The following PTN variants were observed in gnomAD, a reference collection of about 807,000 sequenced individuals.
The protein encoded by PTN is pleiotrophin, also known as heparin affin regulatory protein.
Under a neutral mutation model 24.1 loss-of-function variants are expected in PTN, and 18 were observed. That is an observed-to-expected ratio of 0.75 (90% confidence interval 0.52 to 1.11). PTN has a LOEUF of 1.11. PTN is among the 50% of genes least tolerant of loss of function. The pLI is 0.00. For missense variants in PTN, 163 were observed against 198.8 expected (o/e 0.82, Z 1.08); for synonymous variants, 78 against 68.6 (o/e 1.14, Z -0.67).
chr7:137,263,343 T>C (rs964042621), intron 1 of PTN, among the ~76,000 whole-genome samples: 2 of 152,222 alleles, frequency 1.3e-5, no homozygotes, highest in Non-Finnish European at 2.9e-5. Flanking sequence ...AACTATGTCT[T>C]TAACTACTTG....
intron 4 of PTN, among the ~76,000 whole-genome samples, chr7:137,236,774 T>C (rs1808529251): frequency 1.3e-5 from 2 of 152,178 alleles, no homozygotes; most frequent in African/African-American, 4.8e-5. Flanking sequence ...TATTATAAAC[T>C]ATTGTAAATT....
Position 137,307,401 on chromosome 7 carries a change from G to GA in PTN, c.-2+36037dup, listed in dbSNP as rs1451661235. On this transcript the variant is annotated intron_variant, in intron 1 of 4. Transcript: ENST00000348225. Reference sequence around the variant, plus strand: ...AATTCAATATATGTTTGCTATAATAGAAAAAATCACTACACAAATTTTTTA... The same window carrying GA: ...AATTCAATATATGTTTGCTATAATAGAAAAAAATCACTACACAAATTTTTTA... Among the ~76,000 whole-genome samples, 6 of 151,990 alleles carry GA rather than the reference G, an allele frequency of 3.9e-5. No individual in the cohort carries two copies. The South Asian group carries it at 6.2e-4, about 16-fold the overall frequency.
At chr7:137,244,212 G>A (rs77912591) in intron 4 of PTN, among the ~76,000 whole-genome samples, 2,206 of 152,134 alleles carry the variant, frequency 0.015, 28 homozygotes, top group Middle Eastern at 0.027. Flanking sequence ...CAATCTTTCA[G>A]TCAAGCAATG....
rs116817674 is a variant in PTN at position 137,318,005 on chromosome 7, G to A, written c.-2+25434C>T. Among the ~76,000 whole-genome samples the A allele has an allele frequency of 3.8e-3, 581 of 152,246 alleles. 3 individuals carry two copies. The highest frequency in any genetic ancestry group is 0.013 in the African/African-American group (531 of 41,540). Reference sequence around the variant, plus strand: ...ATCATGGCCAGGCACTGTGGTTGACGCCTACAATCTCAGCACTTTGGGAGG... The same window carrying A: ...ATCATGGCCAGGCACTGTGGTTGACACCTACAATCTCAGCACTTTGGGAGG... On this transcript the variant is annotated intron_variant, in intron 1 of 4. Coordinates refer to ENST00000348225, the MANE Select transcript of PTN (RefSeq NM_002825.7).
At chr7:137,246,722 A>G (rs1271808563) in intron 4 of PTN, among the ~76,000 whole-genome samples, 2 of 152,146 alleles carry the variant, frequency 1.3e-5, no homozygotes, top group African/African-American at 4.8e-5. Context: ...CAGAAGCTCA[A>G]CCCTTTAAAG....
Position 137,247,071 on chromosome 7 carries a change from A to G in PTN, c.451+4159T>C, listed in dbSNP as rs79712731. Among the ~76,000 whole-genome samples the G allele has an allele frequency of 2.0e-5, 3 of 152,348 alleles. No individual in the cohort carries two copies. In the East Asian group the frequency reaches 5.8e-4, roughly 29 times the overall value. ...TCTCCTTCACATATTGAATTAACATAAGAAAAAATGTTGATGATGTACTCT... is the reference window on the plus strand; with the variant it reads ...TCTCCTTCACATATTGAATTAACATGAGAAAAAATGTTGATGATGTACTCT... On this transcript the variant is annotated intron_variant, in intron 4 of 4. Transcript: ENST00000348225.
chr7:137,251,007 T>G (rs1240384909), intron 4 of PTN, among the ~76,000 whole-genome samples: 2 of 152,200 alleles, frequency 1.3e-5, no homozygotes, highest in African/African-American at 4.8e-5. Flanking sequence ...GTTAGGAGAC[T>G]GTACCAATCC....
chr7:137,268,860 C>A (rs781631790), intron 1 of PTN, among the ~76,000 whole-genome samples: 14 of 152,182 alleles, frequency 9.2e-5, no homozygotes, highest in Admixed American at 2.0e-4. Flanking sequence ...CCCCTTAATT[C>A]TTTCCTAGTT....
At chr7:137,289,426 C>G (rs762791366) in intron 1 of PTN, among the ~76,000 whole-genome samples, 18 of 152,270 alleles carry the variant, frequency 1.2e-4, no homozygotes, top group South Asian at 4.1e-4. Context: ...TCTTATCGAT[C>G]GAGCAACCAC....
chr7:137,253,698 C>T (rs1808869225), intron 2 of PTN, 61 bp from the exon 3 acceptor site: 1 of 1,347,892 alleles, frequency 7.4e-7, no homozygotes, highest in South Asian at 1.9e-5. Flanking sequence ...CCAGATATAA[C>T]CAAGTTCATT....
At chr7:137,278,363 T>A (rs1809406350) in intron 1 of PTN, among the ~76,000 whole-genome samples, 3 of 145,394 alleles carry the variant, frequency 2.1e-5, no homozygotes, top group Non-Finnish European at 4.5e-5. Flanking sequence ...AAAGCCAGAT[T>A]GTCAAATTAG....
At chr7:137,231,697 T>C (rs2128867342) in intron 4 of PTN, among the ~76,000 whole-genome samples, 1 of 152,062 alleles carries the variant, frequency 6.6e-6, no homozygotes, top group South Asian at 2.1e-4. Context: ...CATTACTATA[T>C]AGAAAAGAGT....
chr7:137,271,839 A>C (rs1809280385), intron 1 of PTN, among the ~76,000 whole-genome samples: 1 of 152,260 alleles, frequency 6.6e-6, no homozygotes, highest in Admixed American at 6.5e-5. Flanking sequence ...ACTTTCTCTG[A>C]AACTTATTTT....
intron 4 of PTN, among the ~76,000 whole-genome samples, chr7:137,235,299 C>T (rs567322870): frequency 1.4e-4 from 21 of 152,194 alleles, no homozygotes; most frequent in African/African-American, 4.1e-4. Flanking sequence ...TAATCCCTCG[C>T]CCCACGTCAG....
chr7:137,319,555 G>C (rs1328359833), intron 1 of PTN, among the ~76,000 whole-genome samples: 2 of 152,018 alleles, frequency 1.3e-5, no homozygotes, highest in Non-Finnish European at 2.9e-5. Flanking sequence ...ATCGTTTTTT[G>C]GCCATTCAGC....
chr7:137,322,249 CAT>C (rs1810175553), intron 1 of PTN, among the ~76,000 whole-genome samples: 1 of 152,174 alleles, frequency 6.6e-6, no homozygotes, highest in Admixed American at 6.5e-5. Flanking sequence ...AGAAGAATAA[CAT>C]GTGGGCATTC....
chr7:137,276,477 T>C lies in PTN; in HGVS notation c.-1-21503A>G, dbSNP rs185946720. On this transcript the variant is annotated intron_variant, in intron 1 of 4. Coordinates refer to ENST00000348225, the MANE Select transcript of PTN (RefSeq NM_002825.7). ...TGGAAATTCCGGTTACCCCTGGATATAAAACCAGGGTGAAATGGGTTTTGA... is the reference window on the plus strand; with the variant it reads ...TGGAAATTCCGGTTACCCCTGGATACAAAACCAGGGTGAAATGGGTTTTGA... Among the ~76,000 whole-genome samples the C allele has an allele frequency of 2.7e-3, 417 of 152,306 alleles. 6 individuals are homozygous for C. The highest frequency in any genetic ancestry group is 9.1e-3 in the African/African-American group (379 of 41,566).
At chr7:137,246,605 T>A (rs1808727223) in intron 4 of PTN, among the ~76,000 whole-genome samples, 1 of 152,170 alleles carries the variant, frequency 6.6e-6, no homozygotes, top group African/African-American at 2.4e-5. Context: ...GAACAAAACC[T>A]GGAACTGACT....
At chr7:137,283,983 TTTTTTG>T (rs1809514720) in intron 1 of PTN, among the ~76,000 whole-genome samples, 1 of 93,994 alleles carries the variant, frequency 1.1e-5, no homozygotes, top group Admixed American at 1.2e-4. Flanking sequence ...TTTTTTTTTT[TTTTTTG>T]AGATAGAGTC....
Sources: gnomAD v4.1 joint callset for allele counts (sites outside exome capture counted in the v4.1 genomes callset) on GRCh38, gnomAD v4.1.1 for gene constraint, MANE v1.5 for transcripts, NCBI Gene and HGNC (gene_info 2026-07-23, HGNC 2026-07-21) for gene names.